Variants in TRPM3 observed in about 807,000 individuals in gnomAD.
TRPM3 encodes long transient receptor potential channel 3.
In TRPM3, 77 loss-of-function variants were observed where a neutral mutation model predicts 181.2. The observed-to-expected ratio is 0.42, with a 90% CI of 0.35 to 0.51. TRPM3 has a LOEUF of 0.51. Ranked by LOEUF, TRPM3 falls within the 20% of genes least tolerant of loss-of-function variation. TRPM3 has a pLI of 0.01. For missense variants in TRPM3, 1,759 were observed against 2,196.7 expected, an observed-to-expected ratio of 0.80 and a Z score of 3.98; for synonymous variants, 745 against 796.4, an observed-to-expected ratio of 0.94 and a Z score of 1.09.
At chr9:71,112,480 C>T (rs1248149548) in intron 1 of TRPM3, among the ~76,000 whole-genome samples, 1 of 152,152 alleles carries the variant, frequency 6.6e-6, no homozygotes. Flanking sequence ...ACTAAATCAT[C>T]TCAAGGTCAA....
chr9:70,956,173 C>T (rs930426944), intron 1 of TRPM3, among the ~76,000 whole-genome samples: 3 of 151,954 alleles, frequency 2.0e-5, no homozygotes, highest in Non-Finnish European at 1.5e-5. Flanking sequence ...GCATGTTGGG[C>T]GTAACAGACC....
chr9:71,322,850 A>C (rs1434840161), intron 1 of TRPM3, among the ~76,000 whole-genome samples: 1 of 152,120 alleles, frequency 6.6e-6, no homozygotes, highest in African/African-American at 2.4e-5. Flanking sequence ...TTAAAGGCAA[A>C]CCATAAATTA....
rs189164147 is a variant in TRPM3, at chr9:71,298,216, C to T, written c.183+148437G>A. On this transcript the variant is annotated intron_variant, in intron 1 of 24. Coordinates refer to the TRPM3 transcript ENST00000357533. ...ATCAGAGCAGAATATAAGATATATT[C>T]GACCTTGTTTGATCTGGAAATCTTT... Among the ~76,000 whole-genome samples the T allele has an allele frequency of 7.2e-5, 11 of 152,154 alleles. No individual in the cohort carries two copies. The East Asian group carries it at 9.7e-4, about 13-fold the overall frequency.
intron 1 of TRPM3, among the ~76,000 whole-genome samples, chr9:71,198,906 T>C (rs1268216748): frequency 8.5e-6 from 1 of 117,534 alleles, no homozygotes; most frequent in Non-Finnish European, 1.9e-5. Flanking sequence ...CTTCCAACAC[T>C]ACGTTGAATA....
chr9:71,410,373 A>C (rs2093522739), intron 1 of TRPM3, among the ~76,000 whole-genome samples: 1 of 152,200 alleles, frequency 6.6e-6, no homozygotes, highest in Non-Finnish European at 1.5e-5. Context: ...AGACTAGTAA[A>C]GAAGTAAAGA....
At chr9:71,024,063 T>C (rs1226632715) in intron 1 of TRPM3, among the ~76,000 whole-genome samples, 1 of 152,206 alleles carries the variant, frequency 6.6e-6, no homozygotes, top group Non-Finnish European at 1.5e-5. Context: ...AATTATACTA[T>C]GATTTTGCAA....
At chr9:70,899,507 C>T (rs1235155585) in intron 1 of TRPM3, among the ~76,000 whole-genome samples, 1 of 152,166 alleles carries the variant, frequency 6.6e-6, no homozygotes, top group African/African-American at 2.4e-5. Flanking sequence ...AACGTTGTGT[C>T]ATAACGGTTT....
At chr9:70,922,626 A>G (rs2096669238) in intron 1 of TRPM3, among the ~76,000 whole-genome samples, 1 of 152,172 alleles carries the variant, frequency 6.6e-6, no homozygotes, top group South Asian at 2.1e-4. Flanking sequence ...TTTCCTACTA[A>G]ATCATTTCTT....
intron 1 of TRPM3, among the ~76,000 whole-genome samples, chr9:71,016,139 C>CAA (rs58566593): frequency 1.7e-5 from 2 of 117,150 alleles, no homozygotes; most frequent in African/African-American, 3.2e-5. Context: ...GACTCCCTCT[C>CAA]AAAAAAAAAA....
At chr9:71,096,157 C>T (rs1012177078) in intron 1 of TRPM3, among the ~76,000 whole-genome samples, 1 of 151,770 alleles carries the variant, frequency 6.6e-6, no homozygotes, top group Non-Finnish European at 1.5e-5. Flanking sequence ...TTGCTCCCAT[C>T]TTAAAATAGA....
At chr9:70,668,686 A>AAAAAAAAAAAAAAAAC (rs2062301063) in intron 9 of TRPM3, among the ~76,000 whole-genome samples, 1 of 150,312 alleles carries the variant, frequency 6.7e-6, no homozygotes, top group Non-Finnish European at 1.5e-5. Flanking sequence ...AAAAAAAAAA[A>AAAAAAAAAAAAAAAAC]AAAAAAAAAA....
intron 6 of TRPM3, among the ~76,000 whole-genome samples, chr9:70,823,363 A>G (rs760523394): frequency 6.7e-6 from 1 of 149,672 alleles, no homozygotes; most frequent in Non-Finnish European, 1.5e-5. Context: ...TCCCAGATCC[A>G]GTCTTGGTTA....
chr9:71,224,211 G>T (rs1261951947), intron 1 of TRPM3, among the ~76,000 whole-genome samples: 1 of 152,214 alleles, frequency 6.6e-6, no homozygotes, highest in Non-Finnish European at 1.5e-5. Context: ...AATTCCATTT[G>T]TTTGAGAGAA....
At position 70,654,986 on chromosome 9, in the gene TRPM3, G is replaced by A. The variant is rs149304786; in HGVS notation, c.1346-14326C>T. On this transcript the variant is annotated intron_variant, in intron 9 of 25. Transcript: ENST00000677713. ...GCGTGAAGCACTCTGTAGGTTTTACGGCACTTCTACCTGCCAGAGTTTATG... is the reference window on the plus strand; with the variant it reads ...GCGTGAAGCACTCTGTAGGTTTTACAGCACTTCTACCTGCCAGAGTTTATG... Among the ~76,000 whole-genome samples, 194 of 150,712 alleles carry A rather than the reference G, an allele frequency of 1.3e-3. 1 individual carries two copies. The highest frequency in any genetic ancestry group is 2.3e-3 in the Non-Finnish European group (154 of 67,612).
intron 21 of TRPM3, among the ~76,000 whole-genome samples, chr9:70,595,766 C>T (rs1368402434): frequency 6.6e-6 from 1 of 152,118 alleles, no homozygotes; most frequent in Admixed American, 6.5e-5. Context: ...GGAATTTTCA[C>T]CACAATCTCA....
chr9:70,654,608 TAAG>T (rs777444378), intron 9 of TRPM3, among the ~76,000 whole-genome samples: 51 of 151,496 alleles, frequency 3.4e-4, no homozygotes, highest in Middle Eastern at 7.0e-3. Flanking sequence ...TTCCTCCTTT[TAAG>T]AAAAACAGTG....
intron 22 of TRPM3, among the ~76,000 whole-genome samples, chr9:70,584,938 C>A (rs1028718948): frequency 3.2e-4 from 49 of 152,160 alleles, no homozygotes; most frequent in African/African-American, 1.1e-3. Flanking sequence ...ACTGGGGAAA[C>A]ACACAACTTA....
chr9:70,679,897 G>A (rs1213095203), intron 9 of TRPM3, among the ~76,000 whole-genome samples: 1 of 152,084 alleles, frequency 6.6e-6, no homozygotes, highest in African/African-American at 2.4e-5. Context: ...GGGAGAGTGG[G>A]GCCTGCAGTA....
At chr9:71,384,051 T>C (rs1812521566) in intron 1 of TRPM3, among the ~76,000 whole-genome samples, 1 of 152,232 alleles carries the variant, frequency 6.6e-6, no homozygotes, top group Non-Finnish European at 1.5e-5. Flanking sequence ...CATGACGCTG[T>C]AATAAATCCT....
Sources: allele counts gnomAD v4.1 joint callset (sites outside exome capture counted in the v4.1 genomes callset), GRCh38; gene constraint gnomAD v4.1.1; transcripts MANE v1.5; gene names NCBI Gene and HGNC (gene_info 2026-07-23, HGNC 2026-07-21).